Variants in ACER3 observed in about 807,000 individuals in gnomAD.
The protein encoded by ACER3 is alkCDase 3.
Under a neutral mutation model 48.9 loss-of-function variants are expected in ACER3, and 16 were observed. The ratio of observed to expected loss-of-function variants is 0.33; its 90% CI spans 0.22 to 0.50. The LOEUF is 0.50. ACER3 is among the 20% of genes least tolerant of loss of function. ACER3 has a pLI of 0.98. For synonymous variants in ACER3, 109 were observed against 107.8 expected (o/e 1.01, Z -0.07); for missense variants, 227 against 326.0 (o/e 0.70, Z 2.34).
intron 2 of ACER3, among the ~76,000 whole-genome samples, chr11:76,952,685 T>G (rs1411232545): frequency 6.9e-6 from 1 of 144,858 alleles, no homozygotes; most frequent in Admixed American, 6.8e-5. Context: ...TTTTTTTTTT[T>G]AGACAGAGTC....
intron 2 of ACER3, among the ~76,000 whole-genome samples, chr11:76,958,066 G>T (rs1429884520): frequency 6.6e-6 from 1 of 151,710 alleles, no homozygotes; most frequent in Non-Finnish European, 1.5e-5. Context: ...AAAGTGCTGG[G>T]ATTACAAGCC....
At chr11:76,969,685 T>G (rs1456149158) in intron 3 of ACER3, among the ~76,000 whole-genome samples, 1 of 150,342 alleles carries the variant, frequency 6.7e-6, no homozygotes, top group African/African-American at 2.5e-5. Flanking sequence ...CTCAGCAAAC[T>G]ATCACAAGGA....
At chr11:76,987,606 G>A (rs1252739186) in intron 5 of ACER3, among the ~76,000 whole-genome samples, 1 of 152,142 alleles carries the variant, frequency 6.6e-6, no homozygotes, top group East Asian at 1.9e-4. Flanking sequence ...ACAAAAATAT[G>A]AGAATAGATG....
chr11:76,980,051 T>A (rs1948549306), intron 4 of ACER3, among the ~76,000 whole-genome samples: 1 of 151,926 alleles, frequency 6.6e-6, no homozygotes, highest in Non-Finnish European at 1.5e-5. Context: ...GGTGGGAGAA[T>A]CACTTGGGCC....
intron 2 of ACER3, among the ~76,000 whole-genome samples, chr11:76,949,891 A>G (rs972102619): frequency 2.0e-5 from 3 of 152,130 alleles, no homozygotes; most frequent in Non-Finnish European, 2.9e-5. Flanking sequence ...CTGCCTTGCT[A>G]GGTTCGTCTT....
Position 76,868,372 on chromosome 11 carries a change from AAT to A in ACER3, c.103+7296_103+7297del, listed in dbSNP as rs1173659478. The A allele has an allele frequency of 5.6e-5, 47 of 840,328 alleles. No homozygotes were observed. In the African/African-American group the frequency reaches 8.5e-4, roughly 15 times the overall value. The allele number at this position is 840,328 out of a possible 1,614,324, so 52.1% of individuals were successfully genotyped here. A position where few individuals can be genotyped will look rare whatever the true frequency, so the allele number is the denominator to read the frequency against. ...TGAGTGTACAAAAGAGTTTAGTTTT[AAT>A]ATCTCTCTCTCTCTCTCTGTGTGTG... On this transcript the variant is annotated intron_variant, in intron 1 of 10. Transcript: ENST00000532485.
In ACER3 at chr11:76,876,018, C is replaced by T. The variant is rs144410960; in HGVS notation, c.103+14939C>T. On this transcript the variant is annotated intron_variant, in intron 1 of 10. Coordinates refer to ENST00000532485, the MANE Select transcript of ACER3 (RefSeq NM_018367.7). ...CCATATTGGCCAGGATGGTCTTGAA[C>T]TCCTGACCTCAGGTGATCCACCCAC... Among the ~76,000 whole-genome samples the T allele has an allele frequency of 5.8e-3, 889 of 152,230 alleles. 11 individuals carry two copies. The highest frequency in any genetic ancestry group is 0.02 in the African/African-American group (844 of 41,542).
intron 2 of ACER3, among the ~76,000 whole-genome samples, chr11:76,932,029 G>T (rs576819554): frequency 6.8e-6 from 1 of 147,474 alleles, no homozygotes; most frequent in South Asian, 2.4e-4. Context: ...GCTCACTGCA[G>T]CCTCAACCTC....
At position 77,020,269 on chromosome 11, in the gene ACER3, A is replaced by G. The variant is rs1949451012; in HGVS notation, c.751-5A>G. 8 of 1,613,658 alleles carry G rather than the reference A, an allele frequency of 5.0e-6. No individual in the cohort carries two copies. The highest frequency in any genetic ancestry group is 6.8e-6 in the Non-Finnish European group (8 of 1,179,838). On this transcript the variant is annotated splice_region_variant and splice_polypyrimidine_tract_variant and intron_variant, in intron 10 of 10. Transcript: ENST00000532485. ...CTCATTTTGTCCTAATTTGTCCCCA[A>G]ACAGTTTCTCTTTGGAATCTGGCCA... is the stretch of plus-strand genomic sequence containing the variant.
At chr11:76,944,341 T>G (rs1354407321) in intron 2 of ACER3, among the ~76,000 whole-genome samples, 3 of 152,170 alleles carry the variant, frequency 2.0e-5, no homozygotes, top group Non-Finnish European at 4.4e-5. Flanking sequence ...TGGTGGTTAT[T>G]GACCTTTCGT....
chr11:76,912,184 G>C (rs1946393825), intron 1 of ACER3, among the ~76,000 whole-genome samples: 1 of 152,094 alleles, frequency 6.6e-6, no homozygotes, highest in Non-Finnish European at 1.5e-5. Flanking sequence ...TCAGTGATTG[G>C]TATCCTTAGA....
intron 5 of ACER3, among the ~76,000 whole-genome samples, chr11:76,989,350 T>C (rs1467113110): frequency 2.0e-5 from 3 of 151,820 alleles, no homozygotes; most frequent in African/African-American, 7.3e-5. Flanking sequence ...AATGAGGATA[T>C]AGAAATATCT....
At chr11:76,964,680 A>G (rs1430662860) in intron 3 of ACER3, among the ~76,000 whole-genome samples, 1 of 151,278 alleles carries the variant, frequency 6.6e-6, no homozygotes, top group Non-Finnish European at 1.5e-5. Flanking sequence ...TGCAGCCACC[A>G]CTGCTGATAC....
At chr11:76,986,597 C>G (rs1948689267) in intron 5 of ACER3, among the ~76,000 whole-genome samples, 2 of 152,204 alleles carry the variant, frequency 1.3e-5, no homozygotes, top group Admixed American at 1.3e-4. Flanking sequence ...TAACTATGTA[C>G]TTTACCTTCA....
chr11:77,018,079 C>G (rs1201677191), intron 9 of ACER3, among the ~76,000 whole-genome samples: 1 of 151,240 alleles, frequency 6.6e-6, no homozygotes, highest in African/African-American at 2.4e-5. Context: ...GCCAGGATCA[C>G]AGGCAATGCG....
intron 2 of ACER3, among the ~76,000 whole-genome samples, chr11:76,957,851 C>T (rs1174892217): frequency 6.6e-6 from 1 of 152,070 alleles, no homozygotes; most frequent in Non-Finnish European, 1.5e-5. Flanking sequence ...GCTTTAAAAA[C>T]CAAACATTTT....
chr11:76,936,485 G>A (rs1297699918), intron 2 of ACER3, among the ~76,000 whole-genome samples: 1 of 152,048 alleles, frequency 6.6e-6, no homozygotes, highest in African/African-American at 2.4e-5. Flanking sequence ...GAATCTTTGG[G>A]AAAAGACTTT....
At chr11:76,910,130 G>A (rs1010558701) in intron 1 of ACER3, among the ~76,000 whole-genome samples, 1 of 151,558 alleles carries the variant, frequency 6.6e-6, no homozygotes, top group African/African-American at 2.4e-5. Context: ...TTGGGGGGTG[G>A]GGGGCAAGGG....
chr11:76,926,810 C>T (rs1278717383), intron 2 of ACER3, 143 bp downstream of exon 2: 1 of 537,504 alleles, frequency 1.9e-6, no homozygotes, highest in Admixed American at 3.7e-5. Flanking sequence ...CTCCAAAAAC[C>T]TTGCCAGTGA....
Sources: gnomAD v4.1 joint callset for allele counts (sites outside exome capture counted in the v4.1 genomes callset) on GRCh38, gnomAD v4.1.1 for gene constraint, MANE v1.5 for transcripts, NCBI Gene and HGNC (gene_info 2026-07-23, HGNC 2026-07-21) for gene names.